The following OR4N5 variants were observed in gnomAD, a reference collection of about 807,000 sequenced individuals.
The protein encoded by OR4N5 is olfactory receptor 4N5.
For synonymous variants in OR4N5, 155 were observed against 140.6 expected, an observed-to-expected ratio of 1.10 and a Z score of -0.72; for missense variants, 428 against 370.0, an observed-to-expected ratio of 1.16 and a Z score of -1.29.
chr14:20,142,085 T>A (rs1026658950), intron 2 of OR4N5, among the ~76,000 whole-genome samples: 1 of 152,132 alleles, frequency 6.6e-6, no homozygotes, highest in African/African-American at 2.4e-5. Context: ...AAACATTTTA[T>A]AATAATCTCA....
In OR4N5 at chr14:20,144,040, T is replaced by C. The variant is rs896555691; in HGVS notation, c.305T>C (p.Phe102Ser). ...ISYRSCITQL[F>S]FLHFLGAGEM... ...TATAGAAGCTGCATCACTCAGCTCT[T>C]TTTCTTGCATTTTCTTGGAGCGGGA... The change falls in exon 3 of 3, where the codon TTT becomes TCT. Residue 102 changes from phenylalanine to serine, a missense_variant. Physicochemically the swap from Phe to Ser is radical, Grantham distance 155. Transcript: ENST00000641086. 3 of 1,613,960 alleles carry C rather than the reference T, an allele frequency of 1.9e-6. No homozygotes were observed. Among genetic ancestry groups the C allele is most frequent in the Non-Finnish European group, 2.5e-6 (3 of 1,180,010 alleles).
Position 20,144,363 on chromosome 14 carries a change from T to C in OR4N5, c.628T>C (p.Cys210Arg), listed in dbSNP as rs762461526. 39 of 1,613,908 alleles carry C rather than the reference T, an allele frequency of 2.4e-5. No individual in the cohort carries two copies. Among genetic ancestry groups the C allele is most frequent in the Non-Finnish European group, 3.1e-5 (37 of 1,180,002 alleles). Residue 210 changes from cysteine to arginine, a missense_variant, in exon 3 of 3, where the codon TGC becomes CGC. By Grantham distance (180) the Cys-to-Arg change is radical. Transcript: ENST00000641086. ...VSNSGLLSLL[C>R]FLGLLASYAV... ...CAACAGTGGCCTGCTCAGCCTCCTGTGCTTCCTGGGCCTTCTGGCCTCCTA... is the reference window on the plus strand; with the variant it reads ...CAACAGTGGCCTGCTCAGCCTCCTGCGCTTCCTGGGCCTTCTGGCCTCCTA...
chr14:20,142,757 A>G (rs1263370537), intron 2 of OR4N5, among the ~76,000 whole-genome samples: 1 of 152,240 alleles, frequency 6.6e-6, no homozygotes, highest in Non-Finnish European at 1.5e-5. Context: ...ATGAGAGAAA[A>G]GAAAACTCAT....
At position 20,144,210 on chromosome 14, in the gene OR4N5, C is replaced by T; in HGVS notation, c.475C>T (p.Gln159Ter). ...TGGGGGCTTTATCCATTCCATTGTA[C>T]AAGTAGCCCTTATCCTGCACTTGCC... ...WLGGFIHSIV[Q>*]VALILHLPFC... Residue 159 changes from glutamine to a stop codon, truncating the protein, a stop_gained, in exon 3 of 3, where the codon CAA (glutamine) becomes TAA (stop). Transcript: ENST00000641086. LOFTEE classifies it low-confidence loss of function (END_TRUNC). 6.2e-6 allele frequency: 10 copies of T among 1,614,066 alleles called. No individual in the cohort carries two copies. Among genetic ancestry groups the T allele is most frequent in the Non-Finnish European group, 8.5e-6 (10 of 1,179,986 alleles).
chr14:20,142,261 G>A (rs1878631709), intron 2 of OR4N5, among the ~76,000 whole-genome samples: 1 of 151,942 alleles, frequency 6.6e-6, no homozygotes, highest in East Asian at 1.9e-4. Context: ...GAGTAGCTGG[G>A]ACTACAAGCA....
chr14:20,143,596 C>T lies in OR4N5; in HGVS notation c.-11-129C>T, dbSNP rs1441961018. 4 of 653,902 alleles carry T rather than the reference C, an allele frequency of 6.1e-6. No homozygotes were observed. The African/African-American group carries it at 7.3e-5, about 12-fold the overall frequency. 40.5% of individuals were successfully genotyped at this position (653,902 alleles called of 1,614,324 possible). A position where few individuals can be genotyped will look rare whatever the true frequency, so the allele number is the denominator to read the frequency against. On this transcript the variant is annotated intron_variant, in intron 2 of 2. Transcript: ENST00000641086. Reference sequence around the variant, plus strand: ...AGAATAGAAGGGTTAACTCAGGATACAAGACATAAGTTGTCTTCAGCTACG... The same window carrying T: ...AGAATAGAAGGGTTAACTCAGGATATAAGACATAAGTTGTCTTCAGCTACG...
At chr14:20,139,087 C>A (rs981071848) in intron 1 of OR4N5, among the ~76,000 whole-genome samples, 197 bp downstream of exon 1, 2 of 152,028 alleles carry the variant, frequency 1.3e-5, no homozygotes, top group Admixed American at 6.6e-5. Flanking sequence ...CTCAAATAAA[C>A]CTCCTATTAT....
At position 20,145,050 on chromosome 14, in the gene OR4N5, A is replaced by T. The variant is rs1850834941; in HGVS notation, c.*388A>T. The T allele has an allele frequency of 6.1e-6, 1 of 164,638 alleles. No homozygotes were observed. Among genetic ancestry groups the T allele is most frequent in the Non-Finnish European group, 1.3e-5 (1 of 76,196 alleles). 10.2% of individuals were successfully genotyped at this position (164,638 alleles called of 1,614,324 possible). ...AGGCCTCAAGTGGTGTTTAGCTGAA[A>T]CCAATATGATTCGAAAGAAACAACC... is the stretch of plus-strand genomic sequence containing the variant. On this transcript the variant is annotated 3_prime_UTR_variant, in exon 3 of 3. Transcript: ENST00000641086.
rs1594206169 is a variant in OR4N5, at chr14:20,144,798, T to C, written c.*136T>C. On this transcript the variant is annotated 3_prime_UTR_variant, in exon 3 of 3. Coordinates refer to ENST00000641086, the MANE Select transcript of OR4N5 (RefSeq NM_001004724.2). ...AAGTACTTCCCATTTTCAGGCACTA[T>C]TCCAGGCATATGAATGAGACAGGTA... 3.2e-6 allele frequency: 2 copies of C among 623,644 alleles called. No homozygotes were observed. Among genetic ancestry groups the C allele is most frequent in the East Asian group, 2.7e-5 (1 of 36,512 alleles). The allele number at this position is 623,644 out of a possible 1,614,324, so 38.6% of individuals were successfully genotyped here. A position where few individuals can be genotyped will look rare whatever the true frequency, so the allele number is the denominator to read the frequency against.
At chr14:20,141,374 C>A (rs567586458) in intron 2 of OR4N5, among the ~76,000 whole-genome samples, 163 bp downstream of exon 2, 1 of 152,032 alleles carries the variant, frequency 6.6e-6, no homozygotes, top group African/African-American at 2.4e-5. Flanking sequence ...TTTCCTATTT[C>A]GGTTTTCTTA....
chr14:20,143,201 T>A (rs145393232), intron 2 of OR4N5, among the ~76,000 whole-genome samples: 13 of 152,270 alleles, frequency 8.5e-5, no homozygotes, highest in Non-Finnish European at 1.5e-4. Flanking sequence ...GTGATGGGAA[T>A]AAGCAAGGAA....
Position 20,144,341 on chromosome 14 carries a change from C to A in OR4N5, c.606C>A (p.Asn202Lys). The A allele has an allele frequency of 2.5e-6, 4 of 1,614,028 alleles. No homozygotes were observed. Among genetic ancestry groups the A allele is most frequent in the Non-Finnish European group, 3.4e-6 (4 of 1,179,992 alleles). ...TFVVELLMVS[N>K]SGLLSLLCFL... Reference sequence around the variant, plus strand: ...TGGTGGAGCTTCTGATGGTCTCCAACAGTGGCCTGCTCAGCCTCCTGTGCT... The same window carrying A: ...TGGTGGAGCTTCTGATGGTCTCCAAAAGTGGCCTGCTCAGCCTCCTGTGCT... The change falls in exon 3 of 3, where the codon AAC becomes AAA. Residue 202 changes from asparagine to lysine, a missense_variant. Transcript: ENST00000641086.
At position 20,144,177 on chromosome 14, in the gene OR4N5, C is replaced by A; in HGVS notation, c.442C>A (p.Leu148Met). Residue 148 changes from leucine to methionine, a missense_variant, in exon 3 of 3, where the codon CTG (leucine) becomes ATG (methionine). Physicochemically the swap from Leu to Met is conservative, Grantham distance 15 (BLOSUM62 2). Transcript: ENST00000641086. ...AGCCTGCTATGCATTATCGTTGGTT[C>A]TGTGGCTTGGGGGCTTTATCCATTC... is the stretch of plus-strand genomic sequence containing the variant. ...PRACYALSLVLWLGGFIHSIV... is the reference protein window; with the variant it reads ...PRACYALSLVMWLGGFIHSIV... The A allele has an allele frequency of 6.2e-7, 1 of 1,614,128 alleles. No homozygotes were observed. Among genetic ancestry groups the A allele is most frequent in the Non-Finnish European group, 8.5e-7 (1 of 1,179,992 alleles).
rs543585604 is a variant in OR4N5, at chr14:20,144,425, T to C, written c.690T>C (p.Ser230=). Residue 230 remains serine (S), a synonymous_variant, in exon 3 of 3, where the codon TCT becomes TCC. Transcript: ENST00000641086. The part of the protein sequence containing the change: ...VILCRIREHS[S]EGKSKAISTC... ...TCTGTCGTATAAGGGAGCACTCCTC[T>C]GAAGGAAAGAGCAAGGCTATTTCCA... is the stretch of plus-strand genomic sequence containing the variant. 3.8e-5 allele frequency: 62 copies of C among 1,614,026 alleles called. No individual in the cohort carries two copies. In the South Asian group the frequency reaches 6.8e-4, roughly 18 times the overall value.
rs557896955 is a variant in OR4N5, at chr14:20,143,880, A to C, written c.145A>C (p.Ile49Leu). The change falls in exon 3 of 3, where the codon ATA becomes CTA. Residue 49 changes from isoleucine (I) to leucine (L), a missense_variant. Coordinates refer to ENST00000641086, the MANE Select transcript of OR4N5 (RefSeq NM_001004724.2). ...LPGNFLIIFTIKSDPGLTAPL... is the reference protein window; with the variant it reads ...LPGNFLIIFTLKSDPGLTAPL... Reference sequence around the variant, plus strand: ...TGGAAATTTCCTCATCATTTTCACCATAAAGTCAGACCCTGGGCTCACAGC... The same window carrying C: ...TGGAAATTTCCTCATCATTTTCACCCTAAAGTCAGACCCTGGGCTCACAGC... 3.2e-5 allele frequency: 51 copies of C among 1,614,026 alleles called. No individual in the cohort carries two copies. In the South Asian group the frequency reaches 4.8e-4, roughly 15 times the overall value.
At chr14:20,142,157 G>A (rs978750085) in intron 2 of OR4N5, among the ~76,000 whole-genome samples, 5 of 151,260 alleles carry the variant, frequency 3.3e-5, no homozygotes, top group African/African-American at 4.9e-5. Context: ...ATGGAGTCTC[G>A]CTCTGTTGCC....
chr14:20,141,902 T>A (rs1656837692), intron 2 of OR4N5, among the ~76,000 whole-genome samples: 1 of 152,302 alleles, frequency 6.6e-6, no homozygotes, highest in Admixed American at 6.5e-5. Flanking sequence ...TGCATGATAT[T>A]GTATCCACAG....
chr14:20,144,077 C>T lies in OR4N5; in HGVS notation c.342C>T (p.Leu114=), dbSNP rs1435657312. ...TTCTTGGAGCGGGAGAGATGTTCCT[C>T]CTCGTTGTGATGGCCTTTGACCGCT... ...LHFLGAGEMF[L]LVVMAFDRYI... is the part of the protein sequence containing the mutation. Residue 114 remains leucine, a synonymous_variant, in exon 3 of 3, where the codon CTC becomes CTT. Transcript: ENST00000641086. 4.3e-6 allele frequency: 7 copies of T among 1,613,996 alleles called. No homozygotes were observed. Among genetic ancestry groups the T allele is most frequent in the African/African-American group, 2.7e-5 (2 of 74,940 alleles).
intron 1 of OR4N5, among the ~76,000 whole-genome samples, chr14:20,139,383 A>C (rs902813909): frequency 2.6e-5 from 4 of 152,182 alleles, no homozygotes; most frequent in African/African-American, 9.6e-5. Flanking sequence ...CCCCATCTGC[A>C]CATGGTCCTT....
Sources: gnomAD v4.1 joint callset for allele counts (sites outside exome capture counted in the v4.1 genomes callset) on GRCh38, gnomAD v4.1.1 for gene constraint, MANE v1.5 for transcripts, NCBI Gene and HGNC (gene_info 2026-07-23, HGNC 2026-07-21) for gene names.